Variants in STOX2 observed in about 807,000 individuals in gnomAD.
STOX2 encodes the protein storkhead box 2.
Under a neutral mutation model 60.9 loss-of-function variants are expected in STOX2, and 28 were observed. That is an observed-to-expected ratio of 0.46 (90% CI 0.34 to 0.63). STOX2 has a LOEUF of 0.63. Among genes scored for constraint, STOX2 ranks in the 30% least tolerant of loss-of-function variants. The probability of loss-of-function intolerance (pLI) is 0.01; values close to 1 mark genes in which losing one functional copy is unlikely to be tolerated. For missense variants in STOX2, 1,024 were observed against 1,187.7 expected (o/e 0.86, Z 2.03); for synonymous variants, 472 against 463.9 (o/e 1.02, Z -0.22).
rs1734632226 is a variant in STOX2, at chr4:184,022,605, G to A, written c.*5321G>A. On this transcript the variant is annotated 3_prime_UTR_variant, in exon 4 of 4. Transcript: ENST00000308497. ...CAGGCAGCGATGATTCTGGAAGGTT[G>A]GAAATGTAAGGTTAGAAGCTTGGCT... is the stretch of plus-strand genomic sequence containing the variant. 6.6e-6 allele frequency: 1 copy of A among 152,054 alleles called. No homozygotes were observed. Among genetic ancestry groups the A allele is most frequent in the Non-Finnish European group, 1.5e-5 (1 of 68,042 alleles). 9.4% of individuals were successfully genotyped at this position (152,054 alleles called of 1,614,324 possible).
intron 1 of STOX2, among the ~76,000 whole-genome samples, chr4:183,949,424 G>A (rs1743000338): frequency 6.6e-6 from 1 of 152,156 alleles, no homozygotes; most frequent in South Asian, 2.1e-4. Context: ...TTTAGGCCAG[G>A]CGTGGTGGCT....
upstream of STOX2, among the ~76,000 whole-genome samples, chr4:183,901,980 G>A (rs1036895940): frequency 6.6e-6 from 1 of 151,766 alleles, no homozygotes; most frequent in Non-Finnish European, 1.5e-5. Context: ...TTGTGTCTTT[G>A]ATGTCATATA....
intron 1 of STOX2, among the ~76,000 whole-genome samples, chr4:183,996,050 A>G (rs1301033664): frequency 6.6e-6 from 1 of 152,252 alleles, no homozygotes; most frequent in Non-Finnish European, 1.5e-5. Context: ...AAATACTCTT[A>G]AAACAGAAGT....
At chr4:183,869,645 C>A (rs1251341112) in intron 1 of STOX2, among the ~76,000 whole-genome samples, 2 of 152,012 alleles carry the variant, frequency 1.3e-5, no homozygotes, top group African/African-American at 4.8e-5. Flanking sequence ...CAGAATTTAC[C>A]TTTATTAATT....
intron 1 of STOX2, among the ~76,000 whole-genome samples, chr4:183,814,655 C>T (rs1739109506): frequency 6.6e-6 from 1 of 152,218 alleles, no homozygotes; most frequent in South Asian, 2.1e-4. Flanking sequence ...TGGCCCACCT[C>T]CTGAATTAGT....
intron 1 of STOX2, among the ~76,000 whole-genome samples, chr4:183,888,594 G>A (rs1392910076): frequency 1.3e-5 from 2 of 152,250 alleles, no homozygotes; most frequent in South Asian, 2.1e-4. Context: ...AGGCAGCACC[G>A]CCTAATTGGG....
At chr4:183,947,196 T>C (rs558817923) in intron 1 of STOX2, among the ~76,000 whole-genome samples, 2 of 152,356 alleles carry the variant, frequency 1.3e-5, no homozygotes, top group African/African-American at 4.8e-5. Context: ...CTACATGTGC[T>C]TATAATACCT....
rs528890481 is a variant in STOX2, at chr4:183,889,882, A to T, written c.364+91827A>T. Among the ~76,000 whole-genome samples, 3 of 152,322 alleles carry T rather than the reference A, an allele frequency of 2.0e-5. No homozygotes were observed. The South Asian group carries it at 6.2e-4, about 32-fold the overall frequency. ...TTTCTGTTTTTTCTTCTTTTGATGA[A>T]AAGATGGATTTCATAATTGATTGTT... On this transcript the variant is annotated intron_variant, in intron 1 of 2. Coordinates refer to the STOX2 transcript ENST00000513034.
chr4:183,996,743 T>C (rs1276375427), intron 1 of STOX2, among the ~76,000 whole-genome samples: 2 of 152,158 alleles, frequency 1.3e-5, no homozygotes, highest in African/African-American at 4.8e-5. Context: ...AATTTACTCA[T>C]TTTTATTAAT....
At chr4:183,943,746 G>A (rs1447873591) in intron 1 of STOX2, among the ~76,000 whole-genome samples, 8 of 152,148 alleles carry the variant, frequency 5.3e-5, no homozygotes, top group African/African-American at 1.4e-4. Context: ...GCGTGGTGGC[G>A]TGCGCCTGTA....
chr4:184,005,012 T>C (rs900046411), intron 2 of STOX2, among the ~76,000 whole-genome samples: 1 of 152,238 alleles, frequency 6.6e-6, no homozygotes, highest in African/African-American at 2.4e-5. Context: ...TCTCCTTATG[T>C]TGGCTCTTAC....
At chr4:184,002,267 C>G (rs999086375) in intron 2 of STOX2, among the ~76,000 whole-genome samples, 1 of 152,224 alleles carries the variant, frequency 6.6e-6, no homozygotes, top group East Asian at 1.9e-4. Context: ...AAATGAAATA[C>G]ATTATCGGGC....
At chr4:183,999,887 G>T (rs954286803) in intron 1 of STOX2, among the ~76,000 whole-genome samples, 1 of 152,166 alleles carries the variant, frequency 6.6e-6, no homozygotes, top group African/African-American at 2.4e-5. Context: ...GTCGGGGAGG[G>T]TGTTGCTTAA....
chr4:183,838,756 G>A (rs1036194761), intron 1 of STOX2, among the ~76,000 whole-genome samples: 6 of 152,216 alleles, frequency 3.9e-5, no homozygotes, highest in African/African-American at 9.6e-5. Flanking sequence ...GATGGGTGGA[G>A]ACTGACTGTT....
At chr4:183,994,608 G>A (rs1733253807) in intron 1 of STOX2, among the ~76,000 whole-genome samples, 1 of 152,194 alleles carries the variant, frequency 6.6e-6, no homozygotes, top group Non-Finnish European at 1.5e-5. Flanking sequence ...GGATTTAGGA[G>A]GCTGAAGGAA....
rs186368851 is a variant in STOX2, at chr4:183,910,882, T to C, written c.166+3926T>C. Reference sequence around the variant, plus strand: ...GATTAGTTTATTAGTTTTCATTTTATAGAAACTAATTCTGGGGCACGTTTG... The same window carrying C: ...GATTAGTTTATTAGTTTTCATTTTACAGAAACTAATTCTGGGGCACGTTTG... On this transcript the variant is annotated intron_variant, in intron 1 of 3. Transcript: ENST00000308497. Among the ~76,000 whole-genome samples, 197 of 152,362 alleles carry C rather than the reference T, an allele frequency of 1.3e-3. 1 individual carries two copies. Among genetic ancestry groups the C allele is most frequent in the African/African-American group, 3.5e-3 (146 of 41,588 alleles).
chr4:183,965,876 C>A (rs1743551354), intron 1 of STOX2, among the ~76,000 whole-genome samples: 2 of 152,106 alleles, frequency 1.3e-5, no homozygotes, highest in Admixed American at 1.3e-4. Context: ...GAAGAAGGGA[C>A]AGCAGGTGTC....
chr4:183,852,361 C>G (rs71638103), intron 1 of STOX2, among the ~76,000 whole-genome samples: 685 of 24,428 alleles, frequency 0.028, no homozygotes, highest in Admixed American at 0.032. Flanking sequence ...ATGAGAGAAA[C>G]GATGAGGGAA....
chr4:183,975,723 A>G (rs955974511), intron 1 of STOX2, among the ~76,000 whole-genome samples: 2 of 152,256 alleles, frequency 1.3e-5, no homozygotes, highest in African/African-American at 4.8e-5. Flanking sequence ...TTTCACTGGT[A>G]GAATTCTCTG....
Sources: gnomAD v4.1 joint callset for allele counts (sites outside exome capture counted in the v4.1 genomes callset) on GRCh38, gnomAD v4.1.1 for gene constraint, MANE v1.5 for transcripts, NCBI Gene and HGNC (gene_info 2026-07-23, HGNC 2026-07-21) for gene names.